ROBO2: variants seen among roughly 807,000 people sequenced by gnomAD.
ROBO2 encodes the protein roundabout guidance receptor 2.
Under a neutral mutation model 160.8 loss-of-function variants are expected in ROBO2, and 53 were observed. That is an observed-to-expected ratio of 0.33 (90% CI 0.26 to 0.41). ROBO2 has a LOEUF of 0.41. Ranked by LOEUF, ROBO2 falls within the 10% of genes least tolerant of loss-of-function variation. The pLI is 1.00. For synonymous variants in ROBO2, 664 were observed against 611.7 expected, an observed-to-expected ratio of 1.09 and a Z score of -1.26; for missense variants, 1,577 against 1,722.4, an observed-to-expected ratio of 0.92 and a Z score of 1.49.
chr3:76,346,339 G>GCAA (rs1053388323), intron 2 of ROBO2, among the ~76,000 whole-genome samples: 1 of 151,522 alleles, frequency 6.6e-6, no homozygotes, highest in East Asian at 1.9e-4. Flanking sequence ...GCTCCGCCTG[G>GCAA]CAACAACAAC....
rs541492989 is a variant in ROBO2 at position 75,925,585 on chromosome 3, C to A, written c.-13-11896C>A. 3.9e-3 allele frequency among the ~76,000 whole-genome samples: 587 copies of A among 152,178 alleles called. 4 individuals carry two copies. Among genetic ancestry groups the A allele is most frequent in the Non-Finnish European group, 6.1e-3 (418 of 68,000 alleles). Reference sequence around the variant, plus strand: ...GTGCTATAATCTGAGATAATTTGGTCCAATACTTCCAGGGAGGGTTGAAGT... The same window carrying A: ...GTGCTATAATCTGAGATAATTTGGTACAATACTTCCAGGGAGGGTTGAAGT... On this transcript the variant is annotated intron_variant, in intron 1 of 26. Transcript: ENST00000487694.
At chr3:76,868,461 C>T (rs1285146225) in intron 2 of ROBO2, among the ~76,000 whole-genome samples, 1 of 152,166 alleles carries the variant, frequency 6.6e-6, no homozygotes, top group Non-Finnish European at 1.5e-5. Flanking sequence ...TTCATTAATA[C>T]ATTAAAATTT....
chr3:77,180,416 C>CTCTCTCTCTCTATATATATATATATA (rs1433740534), intron 2 of ROBO2, among the ~76,000 whole-genome samples: 121 of 90,626 alleles, frequency 1.3e-3, no homozygotes, highest in Non-Finnish European at 2.3e-3. Context: ...CTCTCTCTCT[C>CTCTCTCTCTCTATATATATATATATA]TATATATATA....
chr3:76,874,017 A>C (rs1440749204), intron 2 of ROBO2, among the ~76,000 whole-genome samples: 1 of 152,222 alleles, frequency 6.6e-6, no homozygotes, highest in Non-Finnish European at 1.5e-5. Context: ...TAACAGAAGT[A>C]GGCTAAAGAA....
At chr3:76,965,785 GTATATATATA>G (rs62885160) in intron 2 of ROBO2, among the ~76,000 whole-genome samples, 3 of 129,222 alleles carry the variant, frequency 2.3e-5, no homozygotes, top group Non-Finnish European at 4.8e-5. Flanking sequence ...TTGTGTTTGT[GTATATATATA>G]TATATATATA....
chr3:76,575,726 A>G (rs2085246352), intron 2 of ROBO2, among the ~76,000 whole-genome samples: 1 of 152,070 alleles, frequency 6.6e-6, no homozygotes, highest in Admixed American at 6.6e-5. Flanking sequence ...ACCAAATGCT[A>G]ATATGTAGGG....
At chr3:75,977,316 A>G (rs2065159114) in intron 2 of ROBO2, among the ~76,000 whole-genome samples, 1 of 151,638 alleles carries the variant, frequency 6.6e-6, no homozygotes, top group South Asian at 2.1e-4. Context: ...TAAAGTTGAA[A>G]AAAATATTCA....
At chr3:76,027,190 G>C (rs1360218864) in intron 2 of ROBO2, among the ~76,000 whole-genome samples, 1 of 151,884 alleles carries the variant, frequency 6.6e-6, no homozygotes, top group Non-Finnish European at 1.5e-5. Flanking sequence ...TTCTGTAACA[G>C]CATAAGCTGT....
intron 2 of ROBO2, among the ~76,000 whole-genome samples, chr3:76,009,751 G>T (rs2066141056): frequency 6.6e-6 from 1 of 152,170 alleles, no homozygotes; most frequent in South Asian, 2.1e-4. Flanking sequence ...TGGTTGCAAA[G>T]ATTTTGTGTT....
intron 2 of ROBO2, among the ~76,000 whole-genome samples, chr3:76,768,783 A>G (rs2061714362): frequency 6.6e-6 from 1 of 151,270 alleles, no homozygotes; most frequent in Admixed American, 6.6e-5. Context: ...TTGAAAAAGG[A>G]TTTCTTTGAA....
intron 1 of ROBO2, among the ~76,000 whole-genome samples, chr3:75,929,769 A>G (rs1447000238): frequency 6.7e-6 from 1 of 148,502 alleles, no homozygotes; most frequent in Non-Finnish European, 1.5e-5. Context: ...ATCTCGGCTC[A>G]CTGCAACCTC....
intron 2 of ROBO2, among the ~76,000 whole-genome samples, chr3:77,418,543 T>C (rs2077445807): frequency 6.6e-6 from 1 of 152,102 alleles, no homozygotes; most frequent in African/African-American, 2.4e-5. Flanking sequence ...CCCTTGGAGA[T>C]TCACTATCTC....
intron 2 of ROBO2, among the ~76,000 whole-genome samples, chr3:77,447,988 T>C (rs2080734046): frequency 6.6e-6 from 1 of 152,164 alleles, no homozygotes; most frequent in South Asian, 2.1e-4. Flanking sequence ...TTTCAAGCTA[T>C]GGTAGGCAGA....
chr3:76,551,240 G>A (rs1334731323), intron 2 of ROBO2, among the ~76,000 whole-genome samples: 1 of 151,954 alleles, frequency 6.6e-6, no homozygotes, highest in African/African-American at 2.4e-5. Flanking sequence ...CCCACTTTGA[G>A]TCTCCTCAAT....
intron 2 of ROBO2, among the ~76,000 whole-genome samples, chr3:77,447,613 G>A (rs527607232): frequency 6.6e-6 from 1 of 152,024 alleles, no homozygotes; most frequent in Admixed American, 6.6e-5. Flanking sequence ...TGCTTGAGAC[G>A]GAATTCATTT....
chr3:77,032,086 C>T (rs983806462), intron 2 of ROBO2, among the ~76,000 whole-genome samples: 1 of 152,282 alleles, frequency 6.6e-6, no homozygotes, highest in Middle Eastern at 3.4e-3. Flanking sequence ...AATTACCTCC[C>T]AAAGGCCCTA....
intron 2 of ROBO2, among the ~76,000 whole-genome samples, chr3:75,938,490 G>A (rs1460267770): frequency 3.3e-5 from 5 of 151,826 alleles, no homozygotes; most frequent in East Asian, 1.9e-4. Flanking sequence ...CATTTTTTCC[G>A]CATTTTTAAG....
chr3:75,937,386 G>A (rs1947830512), intron 1 of ROBO2: 1 of 527,966 alleles, frequency 1.9e-6, no homozygotes. Context: ...ATTCAGAAAT[G>A]CACAATGCAT....
chr3:76,767,398 A>G (rs1444449693), intron 2 of ROBO2, among the ~76,000 whole-genome samples: 2 of 151,650 alleles, frequency 1.3e-5, no homozygotes, highest in Non-Finnish European at 3.0e-5. Flanking sequence ...TAATTTGTCT[A>G]CTTATATCTC....
Sources: gnomAD v4.1 joint callset for allele counts (sites outside exome capture counted in the v4.1 genomes callset) on GRCh38, gnomAD v4.1.1 for gene constraint, MANE v1.5 for transcripts, NCBI Gene and HGNC (gene_info 2026-07-23, HGNC 2026-07-21) for gene names.